JMJD1C: variants seen among roughly 807,000 people sequenced by gnomAD.
JMJD1C encodes jumonji domain containing 1C.
Under a neutral mutation model 245.3 loss-of-function variants are expected in JMJD1C, and 31 were observed. The ratio of observed to expected loss-of-function variants is 0.13; its 90% confidence interval spans 0.09 to 0.17. The LOEUF (loss-of-function observed/expected upper bound fraction) is 0.17. Among genes scored for constraint, JMJD1C ranks in the 10% least tolerant of loss-of-function variants. The probability of loss-of-function intolerance (pLI) is 1.00; values close to 1 mark genes in which losing one functional copy is unlikely to be tolerated. For synonymous variants in JMJD1C, 1,057 were observed against 1,017.4 expected (o/e 1.04, Z -0.74); for missense variants, 2,691 against 3,000.2 (o/e 0.90, Z 2.41).
Position 63,214,363 on chromosome 10 carries a change from G to A in JMJD1C, c.1804C>T (p.Pro602Ser), listed in dbSNP as rs200874068. 3.1e-6 allele frequency: 5 copies of A among 1,613,988 alleles called. No individual in the cohort carries two copies. The highest frequency in any genetic ancestry group is 1.7e-5 in the Admixed American group (1 of 60,016). ...EKEKYVSYIS[P>S]LSAVSVMEDK... is the part of the protein sequence containing the mutation. ...TCCATGACAGAAACTGCACTTAAAG[G>A]AGAAATGTAAGAGACATACTTCTCT... The change falls in exon 8 of 26, where the codon CCT (proline) becomes TCT (serine). Residue 602 changes from proline (P) to serine (S), a missense_variant. By Grantham distance (74) the Pro-to-Ser change is moderately conservative. This residue lies in a region of JMJD1C where 1,562 missense variants were observed against 1,490.7 expected (regional missense o/e 1.05). Transcript: ENST00000399262.
At chr10:63,453,393 T>TA (rs1359771321) in intron 1 of JMJD1C, among the ~76,000 whole-genome samples, 4 of 152,348 alleles carry the variant, frequency 2.6e-5, no homozygotes, top group African/African-American at 9.6e-5. Flanking sequence ...CAGATTTGCT[T>TA]ACCTATTAAG....
At chr10:63,351,276 GT>G (rs1435642863) in intron 2 of JMJD1C, among the ~76,000 whole-genome samples, 1 of 151,344 alleles carries the variant, frequency 6.6e-6, no homozygotes, top group African/African-American at 2.4e-5. Flanking sequence ...TTTATATTTG[GT>G]ATTATTCACA....
At chr10:63,521,859 C>A, upstream of JMJD1C, 1 of 174,912 alleles carries the variant, frequency 5.7e-6, no homozygotes, top group South Asian at 1.7e-4. Context: ...CGCGGCGCCC[C>A]TGCTCCGGCG....
chr10:63,329,297 A>C (rs1328195615), intron 2 of JMJD1C, among the ~76,000 whole-genome samples: 4 of 151,782 alleles, frequency 2.6e-5, no homozygotes, highest in Admixed American at 6.6e-5. Flanking sequence ...AAAAAGAAAG[A>C]AAGAAAGAAA....
intron 4 of JMJD1C, among the ~76,000 whole-genome samples, chr10:63,218,963 CA>C (rs368546999): frequency 5.3e-4 from 81 of 151,850 alleles, no homozygotes; most frequent in African/African-American, 1.9e-3. Context: ...TTGTTTTGTT[CA>C]AAAAAATGGA....
At chr10:63,501,324 T>C (rs532447916) in intron 1 of JMJD1C, among the ~76,000 whole-genome samples, 77 of 152,326 alleles carry the variant, frequency 5.1e-4, no homozygotes, top group African/African-American at 1.8e-3. Context: ...AAGTGATTCA[T>C]TGAAAAAGAC....
In JMJD1C at chr10:63,213,455, A is replaced by G. The variant is rs1847608469; in HGVS notation, c.2694+18T>C. The G allele has an allele frequency of 1.9e-5, 27 of 1,458,174 alleles. No homozygotes were observed. Among genetic ancestry groups the G allele is most frequent in the Non-Finnish European group, 2.0e-5 (21 of 1,051,278 alleles). The allele number at this position is 1,458,174 out of a possible 1,614,324, so 90.3% of individuals were successfully genotyped here. On this transcript the variant is annotated intron_variant, in intron 8 of 25. Coordinates refer to ENST00000399262, the MANE Select transcript of JMJD1C (RefSeq NM_032776.3). ...CATTAATATATACTGCTATGTGGCA[A>G]ACTACAGTGTAACTTACCCTCCTTA...
intron 23 of JMJD1C, chr10:63,177,050 T>A (rs756386579): frequency 5.9e-5 from 9 of 152,618 alleles, no homozygotes; most frequent in Non-Finnish European, 1.2e-4. Context: ...AGGCTGTAAC[T>A]CTTTTACTTC....
chr10:63,500,859 A>G (rs942854033), intron 1 of JMJD1C, among the ~76,000 whole-genome samples: 4 of 151,752 alleles, frequency 2.6e-5, no homozygotes, highest in African/African-American at 7.3e-5. Flanking sequence ...ATGGATGGAT[A>G]GATAGATAAA....
chr10:63,234,320 C>A (rs1453685594), intron 3 of JMJD1C, among the ~76,000 whole-genome samples: 1 of 150,862 alleles, frequency 6.6e-6, no homozygotes, highest in Non-Finnish European at 1.5e-5. Flanking sequence ...ATGGCGAGAC[C>A]CTGTTTCTAC....
At chr10:63,354,131 G>A (rs546020913) in intron 2 of JMJD1C, among the ~76,000 whole-genome samples, 6 of 152,144 alleles carry the variant, frequency 3.9e-5, no homozygotes, top group Admixed American at 6.5e-5. Flanking sequence ...GAGCCACTGC[G>A]CCTGGCCCTG....
At chr10:63,222,977 G>C (rs1486900261) in intron 3 of JMJD1C, 3 of 1,446,344 alleles carry the variant, frequency 2.1e-6, no homozygotes, top group Non-Finnish European at 2.9e-6. Flanking sequence ...AGCAGTGAGA[G>C]ACGAGGATCC....
At chr10:63,200,356 A>G in intron 11 of JMJD1C, 120 bp downstream of exon 11, 1 of 719,778 alleles carries the variant, frequency 1.4e-6, no homozygotes, top group East Asian at 2.7e-5. Context: ...TAATGTTTCC[A>G]AAACATGGAG....
chr10:63,323,436 C>T (rs574158116), intron 2 of JMJD1C, among the ~76,000 whole-genome samples: 5 of 78,306 alleles, frequency 6.4e-5, no homozygotes, highest in African/African-American at 1.5e-4. Context: ...AGAAGAATCA[C>T]TTGAACCCAG....
At chr10:63,223,232 T>TGG (rs1848827039) in intron 3 of JMJD1C, among the ~76,000 whole-genome samples, 1 of 112,650 alleles carries the variant, frequency 8.9e-6, no homozygotes, top group Non-Finnish European at 2.2e-5. Context: ...CTGTGCTGTT[T>TGG]TTTTTTTTTT....
upstream of JMJD1C, among the ~76,000 whole-genome samples, chr10:63,469,530 A>C (rs1953422505): frequency 1.3e-5 from 2 of 152,202 alleles, no homozygotes; most frequent in Non-Finnish European, 2.9e-5. Flanking sequence ...TTCAGTATTT[A>C]TTTAGCACTT....
intron 1 of JMJD1C, among the ~76,000 whole-genome samples, chr10:63,383,627 G>C (rs745940901): frequency 3.3e-5 from 5 of 152,168 alleles, no homozygotes; most frequent in Non-Finnish European, 7.3e-5. Context: ...TTCAGCCAGG[G>C]AGGTTGAGGC....
At chr10:63,495,990 T>C (rs1954353946) in intron 1 of JMJD1C, among the ~76,000 whole-genome samples, 1 of 151,170 alleles carries the variant, frequency 6.6e-6, no homozygotes, top group Admixed American at 6.6e-5. Context: ...AGACATTATG[T>C]TCCTCTGATG....
In JMJD1C at chr10:63,264,742, C is replaced by A. The variant is rs1279179535; in HGVS notation, c.356G>T (p.Arg119Ile). ...TGCAGTGACTGAACTGGGTATATTT[C>A]TTTCAACCAGAGGTTTGAAAGTCTG... ...PALTFKPLVE[R>I]NIPSSVTAVE... The change falls in exon 3 of 26, where the codon AGA (arginine) becomes ATA (isoleucine). Residue 119 changes from arginine to isoleucine, a missense_variant. Around this residue, in one of 9 missense-constraint regions of JMJD1C, gnomAD observed 172 missense variants for 240.8 expected, o/e 0.71. Transcript: ENST00000399262. The A allele has an allele frequency of 1.3e-6, 2 of 1,580,360 alleles. No homozygotes were observed. The highest frequency in any genetic ancestry group is 1.7e-6 in the Non-Finnish European group (2 of 1,162,830).
Sources: allele counts gnomAD v4.1 joint callset (sites outside exome capture counted in the v4.1 genomes callset), GRCh38; gene constraint gnomAD v4.1.1; regional missense constraint gnomAD v4.1.1; transcripts MANE v1.5; gene names NCBI Gene and HGNC (gene_info 2026-07-23, HGNC 2026-07-21).